TDRD3: variants seen among roughly 807,000 people sequenced by gnomAD.
The protein encoded by TDRD3 is tudor domain containing 3.
In TDRD3, 45 loss-of-function variants were observed where a neutral mutation model predicts 86.7. The ratio of observed to expected loss-of-function variants is 0.52; its 90% CI spans 0.41 to 0.67. The LOEUF is 0.67. Ranked by LOEUF, TDRD3 falls within the 30% of genes least tolerant of loss-of-function variation. The pLI is 0.00. For missense variants in TDRD3, 814 were observed against 889.0 expected (o/e 0.92, Z 1.07); for synonymous variants, 298 against 301.7 (o/e 0.99, Z 0.13).
intron 1 of TDRD3, among the ~76,000 whole-genome samples, chr13:60,417,019 C>CTTTTT (rs560202011): frequency 7.0e-6 from 1 of 141,970 alleles, no homozygotes; most frequent in Admixed American, 7.1e-5. Flanking sequence ...CTCTCTCTCT[C>CTTTTT]TTTTTTTTTT....
intron 1 of TDRD3, among the ~76,000 whole-genome samples, chr13:60,403,007 G>A (rs951824769): frequency 2.0e-5 from 3 of 152,236 alleles, no homozygotes; most frequent in South Asian, 2.1e-4. Flanking sequence ...AAGCCTTGCC[G>A]ACTTTCTGTC....
At chr13:60,450,244 A>G (rs969681764) in intron 3 of TDRD3, among the ~76,000 whole-genome samples, 3 of 152,236 alleles carry the variant, frequency 2.0e-5, no homozygotes, top group South Asian at 2.1e-4. Flanking sequence ...TCAGATTCCA[A>G]CTGAGGTGTG....
At chr13:60,524,932 C>A (rs1028006299) in intron 10 of TDRD3, among the ~76,000 whole-genome samples, 1 of 151,060 alleles carries the variant, frequency 6.6e-6, no homozygotes. Context: ...ACTAAAAATA[C>A]AAAAATTAGC....
At chr13:60,461,706 T>A (rs2138058001) in intron 4 of TDRD3, among the ~76,000 whole-genome samples, 1 of 152,318 alleles carries the variant, frequency 6.6e-6, no homozygotes. Flanking sequence ...TCTTAGTAGC[T>A]CATATGCTAA....
intron 8 of TDRD3, among the ~76,000 whole-genome samples, chr13:60,503,454 C>A (rs1956875480): frequency 1.3e-5 from 2 of 152,158 alleles, no homozygotes; most frequent in African/African-American, 4.8e-5. Context: ...TATAATTAGA[C>A]ATTCGACTTT....
chr13:60,401,793 G>A lies in TDRD3; in HGVS notation c.41+4388G>A, dbSNP rs1303331792. On this transcript the variant is annotated intron_variant, in intron 1 of 13. Coordinates refer to ENST00000377881, the MANE Select transcript of TDRD3 (RefSeq NM_001146070.2). ...GGGTTATCTCCATTTGATTATTGGTGCTATCACCATGCTAACATCCTCTGG... is the reference window on the plus strand; with the variant it reads ...GGGTTATCTCCATTTGATTATTGGTACTATCACCATGCTAACATCCTCTGG... Among the ~76,000 whole-genome samples the A allele has an allele frequency of 4.6e-5, 7 of 152,266 alleles. No homozygotes were observed. The East Asian group carries it at 1.3e-3, about 29-fold the overall frequency.
At chr13:60,533,415 C>T (rs983764762) in intron 11 of TDRD3, among the ~76,000 whole-genome samples, 7 of 152,118 alleles carry the variant, frequency 4.6e-5, no homozygotes, top group African/African-American at 1.7e-4. Context: ...CAGAGGCGGG[C>T]AGATCACTTG....
intron 11 of TDRD3, among the ~76,000 whole-genome samples, chr13:60,531,083 A>C (rs1957572414): frequency 6.6e-6 from 1 of 152,176 alleles, no homozygotes; most frequent in Admixed American, 6.5e-5. Flanking sequence ...TAGAAACAGC[A>C]TCTCTGTCAC....
At chr13:60,437,420 C>T (rs1955147987) in intron 1 of TDRD3, among the ~76,000 whole-genome samples, 1 of 151,816 alleles carries the variant, frequency 6.6e-6, no homozygotes, top group Non-Finnish European at 1.5e-5. Context: ...GCCACTGTGC[C>T]CAGCTGAAAA....
upstream of TDRD3, chr13:60,396,386 C>G (rs1008647580): frequency 3.9e-5 from 6 of 152,264 alleles, no homozygotes; most frequent in Non-Finnish European, 4.4e-5. Context: ...CAGCGTGAGT[C>G]ACGGACGCCC....
At chr13:60,567,498 T>A in intron 12 of TDRD3, 27 bp from the exon 13 acceptor site, 1 of 1,614,034 alleles carries the variant, frequency 6.2e-7, no homozygotes, top group South Asian at 1.1e-5. Flanking sequence ...ATTTTGAACA[T>A]GTAAAATCAC....
chr13:60,442,371 ATGTGTG>A (rs35214486), intron 2 of TDRD3, among the ~76,000 whole-genome samples: 13 of 150,452 alleles, frequency 8.6e-5, no homozygotes, highest in Admixed American at 4.6e-4. Context: ...TAGGGATTTT[ATGTGTG>A]TGTGTGTGTG....
At chr13:60,559,798 GT>G (rs764567370) in intron 12 of TDRD3, among the ~76,000 whole-genome samples, 6 of 152,172 alleles carry the variant, frequency 3.9e-5, no homozygotes, top group Admixed American at 2.0e-4. Flanking sequence ...AGATGAATGG[GT>G]TCTGAAGATT....
chr13:60,462,823 A>T (rs1955829687), intron 4 of TDRD3, among the ~76,000 whole-genome samples: 1 of 152,168 alleles, frequency 6.6e-6, no homozygotes, highest in South Asian at 2.1e-4. Context: ...GTCCCTGAGT[A>T]AAAAGAACAA....
intron 6 of TDRD3, chr13:60,484,774 T>G: frequency 2.3e-6 from 1 of 432,902 alleles, no homozygotes; most frequent in Non-Finnish European, 4.6e-6. Context: ...ATTCTCCCAG[T>G]GTAATGAAAA....
intron 1 of TDRD3, among the ~76,000 whole-genome samples, chr13:60,407,415 A>G (rs1303245372): frequency 6.6e-6 from 1 of 152,208 alleles, no homozygotes; most frequent in African/African-American, 2.4e-5. Flanking sequence ...TATTTCTGAA[A>G]TGAATGTTGT....
At chr13:60,473,731 G>A (rs1956121237) in intron 5 of TDRD3, among the ~76,000 whole-genome samples, 1 of 152,214 alleles carries the variant, frequency 6.6e-6, no homozygotes, top group Non-Finnish European at 1.5e-5. Flanking sequence ...ACAAGAGTGT[G>A]AGCCCTCTGT....
intron 1 of TDRD3, among the ~76,000 whole-genome samples, chr13:60,406,147 C>T (rs1954228804): frequency 6.6e-6 from 1 of 152,116 alleles, no homozygotes; most frequent in African/African-American, 2.4e-5. Context: ...TAGGAAATAC[C>T]AATCTTGCAC....
At chr13:60,408,724 G>A (rs1594896778) in intron 1 of TDRD3, among the ~76,000 whole-genome samples, 1 of 152,168 alleles carries the variant, frequency 6.6e-6, no homozygotes, top group African/African-American at 2.4e-5. Context: ...GCTGTTAAAA[G>A]CATTCTGTTT....
Sources: gnomAD v4.1 joint callset for allele counts (sites outside exome capture counted in the v4.1 genomes callset) on GRCh38, gnomAD v4.1.1 for gene constraint, MANE v1.5 for transcripts, NCBI Gene and HGNC (gene_info 2026-07-23, HGNC 2026-07-21) for gene names.